Variants in IGSF21 observed in about 807,000 individuals in gnomAD.
The protein encoded by IGSF21 is immunoglobin superfamily member 21.
IGSF21 carries 28 observed loss-of-function variants against 46.8 expected under a neutral mutation model. The observed-to-expected ratio is 0.60, with a 90% CI of 0.44 to 0.82. The LOEUF (loss-of-function observed/expected upper bound fraction) is 0.82. Ranked by LOEUF, IGSF21 falls within the 40% of genes least tolerant of loss-of-function variation. IGSF21 has a pLI of 0.00. For synonymous variants in IGSF21, 284 were observed against 273.6 expected (o/e 1.04, Z -0.38); for missense variants, 624 against 665.5 (o/e 0.94, Z 0.69).
At chr1:18,227,232 A>C (rs61762151) in intron 1 of IGSF21, among the ~76,000 whole-genome samples, 32,701 of 151,988 alleles carry the variant, frequency 0.22, 4,139 homozygotes, top group Non-Finnish European at 0.28. Flanking sequence ...AAGCCAATGG[A>C]GGGTGTTAAG....
chr1:18,161,367 C>A (rs1183675308), intron 1 of IGSF21, among the ~76,000 whole-genome samples: 1 of 152,082 alleles, frequency 6.6e-6, no homozygotes, highest in East Asian at 1.9e-4. Flanking sequence ...CTGTGAATGA[C>A]CCTTGGAGAT....
chr1:18,109,105 C>T lies in IGSF21; in HGVS notation c.70+907C>T, dbSNP rs1285099279. Among the ~76,000 whole-genome samples, 1 of 151,884 alleles carries T rather than the reference C, an allele frequency of 6.6e-6. No individual in the cohort carries two copies. The highest frequency in any genetic ancestry group is 1.5e-5 in the Non-Finnish European group (1 of 67,978). On this transcript the variant is annotated intron_variant, in intron 1 of 9. Coordinates refer to ENST00000251296, the MANE Select transcript of IGSF21 (RefSeq NM_032880.5). This position sits in a 1 kb window ranked among gnomAD's most constrained non-coding sequence, Gnocchi z 4.8. ...GTTCTCCGGAGCCAGTGAGAGGTGGCTCCGCAGCCCCAGGGTCCGCGGCCG... is the reference window on the plus strand; with the variant it reads ...GTTCTCCGGAGCCAGTGAGAGGTGGTTCCGCAGCCCCAGGGTCCGCGGCCG...
Position 18,214,352 on chromosome 1 carries a change from C to T in IGSF21, c.71-13546C>T, listed in dbSNP as rs140706267. ...CCTGGTGGCCCAGAGCTGAGCTGAC[C>T]TGTTAGGGGAGGTGAGAACCAGGAA... On this transcript the variant is annotated intron_variant, in intron 1 of 9. Transcript: ENST00000251296. Among the ~76,000 whole-genome samples the T allele has an allele frequency of 3.8e-3, 580 of 152,258 alleles. 20 individuals carry two copies. In the South Asian group the frequency reaches 0.073, roughly 19 times the overall value.
chr1:18,309,851 G>A (rs1435545068), intron 3 of IGSF21, among the ~76,000 whole-genome samples: 1 of 152,170 alleles, frequency 6.6e-6, no homozygotes. Flanking sequence ...GCTAGCAGGG[G>A]AGGGAGAGAC....
chr1:18,289,306 G>A (rs1342582855), intron 2 of IGSF21, among the ~76,000 whole-genome samples: 2 of 152,304 alleles, frequency 1.3e-5, no homozygotes, highest in African/African-American at 2.4e-5. Flanking sequence ...ATGACTTTGG[G>A]AGAAAAATCC....
chr1:18,209,193 G>A (rs938008407), intron 1 of IGSF21, among the ~76,000 whole-genome samples: 2 of 152,166 alleles, frequency 1.3e-5, no homozygotes, highest in Admixed American at 6.5e-5. Context: ...AATAGTGGTA[G>A]CATCAACCAC....
intron 1 of IGSF21, among the ~76,000 whole-genome samples, chr1:18,221,152 G>C (rs2084506664): frequency 6.6e-6 from 1 of 152,236 alleles, no homozygotes; most frequent in South Asian, 2.1e-4. Context: ...TTTACACCGA[G>C]TCAAGGGAGG....
intron 1 of IGSF21, among the ~76,000 whole-genome samples, chr1:18,147,861 T>A (rs1156468889): frequency 6.6e-6 from 1 of 152,128 alleles, no homozygotes; most frequent in African/African-American, 2.4e-5. Flanking sequence ...TTCCCATGTG[T>A]CGTGGGAGGG....
chr1:18,310,970 G>A (rs1233583893), intron 3 of IGSF21, among the ~76,000 whole-genome samples: 3 of 151,920 alleles, frequency 2.0e-5, no homozygotes, highest in Non-Finnish European at 2.9e-5. Context: ...ACTGGATTAG[G>A]GCCCACCCAA....
intron 3 of IGSF21, among the ~76,000 whole-genome samples, chr1:18,305,507 TGG>T: frequency 8.1e-6 from 1 of 123,880 alleles, no homozygotes; most frequent in African/African-American, 3.3e-5. Context: ...GATGGATGGA[TGG>T]ATGAATGGAT....
chr1:18,332,556 G>A (rs888608484), intron 3 of IGSF21, among the ~76,000 whole-genome samples: 6 of 151,508 alleles, frequency 4.0e-5, no homozygotes, highest in South Asian at 2.1e-4. Flanking sequence ...CAGTAATGGC[G>A]CCTGGTAGAG....
intron 3 of IGSF21, among the ~76,000 whole-genome samples, chr1:18,294,396 T>C (rs886995053): frequency 1.3e-5 from 2 of 152,250 alleles, no homozygotes; most frequent in Non-Finnish European, 1.5e-5. Flanking sequence ...CCTCCTTTTA[T>C]GCGCTTTCTG....
chr1:18,353,513 A>C (rs1456862422), intron 4 of IGSF21, among the ~76,000 whole-genome samples: 1 of 152,118 alleles, frequency 6.6e-6, no homozygotes, highest in Non-Finnish European at 1.5e-5. Context: ...GTATCGGAGG[A>C]AAAGAGATGT....
intron 4 of IGSF21, among the ~76,000 whole-genome samples, chr1:18,339,448 T>A (rs899993780): frequency 2.0e-5 from 3 of 152,308 alleles, no homozygotes; most frequent in Admixed American, 6.5e-5. Context: ...AAAACTCCGA[T>A]GGTCCTGGCA....
At chr1:18,204,972 C>CA (rs2087111597) in intron 1 of IGSF21, among the ~76,000 whole-genome samples, 1 of 152,182 alleles carries the variant, frequency 6.6e-6, no homozygotes, top group South Asian at 2.1e-4. Flanking sequence ...ATGTTGGACA[C>CA]ACAGCCTCTG....
chr1:18,225,085 T>TCTCTCACACACACACA, intron 1 of IGSF21, among the ~76,000 whole-genome samples: 6 of 51,614 alleles, frequency 1.2e-4, no homozygotes, highest in African/African-American at 4.2e-4. Flanking sequence ...TCTCTCTCTC[T>TCTCTCACACACACACA]CACACACACA....
At chr1:18,225,354 A>C (rs1430178940) in intron 1 of IGSF21, among the ~76,000 whole-genome samples, 1 of 151,490 alleles carries the variant, frequency 6.6e-6, no homozygotes. Context: ...AGTGCTCCTA[A>C]CACTACCACC....
chr1:18,132,734 G>A (rs2086332763), intron 1 of IGSF21, among the ~76,000 whole-genome samples: 1 of 152,130 alleles, frequency 6.6e-6, no homozygotes, highest in Non-Finnish European at 1.5e-5. Context: ...CCCTTGGTGG[G>A]CAAGGGGGTG....
At chr1:18,357,841 G>T (rs2086037462) in intron 4 of IGSF21, among the ~76,000 whole-genome samples, 2 of 152,124 alleles carry the variant, frequency 1.3e-5, no homozygotes, top group African/African-American at 4.8e-5. Context: ...TATTGATGGG[G>T]AGGGTGTGGG....
Sources: allele counts gnomAD v4.1 joint callset (sites outside exome capture counted in the v4.1 genomes callset), GRCh38; gene constraint gnomAD v4.1.1; non-coding constraint Gnocchi (gnomAD v3.1); transcripts MANE v1.5; gene names NCBI Gene and HGNC (gene_info 2026-07-23, HGNC 2026-07-21).